Variants in KHDRBS2 observed in about 807,000 individuals in gnomAD.
KHDRBS2 encodes KH RNA binding domain containing, signal transduction associated 2, also known as KH domain-containing, RNA-binding, signal transduction-associated protein 2.
Under a neutral mutation model 44.3 loss-of-function variants are expected in KHDRBS2, and 26 were observed. The ratio of observed to expected loss-of-function variants is 0.59; its 90% CI spans 0.43 to 0.81. KHDRBS2 has a LOEUF of 0.81. KHDRBS2 is among the 40% of genes least tolerant of loss of function. KHDRBS2 has a pLI of 0.00. For synonymous variants in KHDRBS2, 194 were observed against 151.1 expected (o/e 1.28, Z -2.08); for missense variants, 476 against 433.1 (o/e 1.10, Z -0.88).
the KHDRBS2 span, among the ~76,000 whole-genome samples, chr6:61,665,688 G>C: frequency 4.7e-5 from 7 of 150,474 alleles, 1 homozygote; most frequent in South Asian, 1.0e-3. Flanking sequence ...AATATCTTTT[G>C]AAGGAAAAAA....
intron 3 of KHDRBS2, among the ~76,000 whole-genome samples, chr6:62,030,695 CT>C (rs1784191278): frequency 2.0e-5 from 3 of 151,970 alleles, no homozygotes; most frequent in African/African-American, 7.2e-5. Context: ...TACTTTCTAA[CT>C]TTCTAAAAAA....
Position 62,177,215 on chromosome 6 carries a change from T to C in KHDRBS2, c.189A>G (p.Arg63=), listed in dbSNP as rs368707831. 1.4e-5 allele frequency: 22 copies of C among 1,590,494 alleles called. No individual in the cohort carries two copies. The highest frequency in any genetic ancestry group is 1.3e-4 in the Admixed American group (8 of 59,482). The part of the protein sequence containing the change: ...ISNKNIKLSE[R]VLIPVKQYPK... The stretch of plus-strand genomic sequence containing the variant: ...GATACTGCTTGACAGGAATCAGTAC[T>C]CTTTCTGAGAGCTTTATGTTTTTGT... Residue 63 remains arginine, a synonymous_variant, in exon 2 of 9, where the codon AGA becomes AGG. Coordinates refer to ENST00000281156, the MANE Select transcript of KHDRBS2 (RefSeq NM_152688.4).
chr6:61,939,248 G>A (rs885173), intron 4 of KHDRBS2, among the ~76,000 whole-genome samples: 60,091 of 151,856 alleles, frequency 0.4, 12,028 homozygotes, highest in East Asian at 0.47. Flanking sequence ...GCTTAACATA[G>A]TTATGTATAG....
intron 3 of KHDRBS2, among the ~76,000 whole-genome samples, chr6:62,034,703 A>AAC (rs1359932664): frequency 2.6e-5 from 4 of 151,102 alleles, no homozygotes; most frequent in Non-Finnish European, 3.0e-5. Flanking sequence ...GAAAAAAAAA[A>AAC]AAAAAAAAAA....
At chr6:61,784,805 T>G (rs1293835100) in intron 6 of KHDRBS2, among the ~76,000 whole-genome samples, 2 of 152,150 alleles carry the variant, frequency 1.3e-5, no homozygotes, top group Non-Finnish European at 2.9e-5. Context: ...TTTTTAATTG[T>G]TACCAATATT....
the KHDRBS2 span, among the ~76,000 whole-genome samples, chr6:61,671,507 T>C: frequency 6.6e-6 from 1 of 151,674 alleles, no homozygotes; most frequent in Non-Finnish European, 1.5e-5. Context: ...ACATATCAAG[T>C]AGAGTGACTT....
At chr6:62,282,576 T>C (rs1456860540) in intron 1 of KHDRBS2, among the ~76,000 whole-genome samples, 2 of 152,138 alleles carry the variant, frequency 1.3e-5, no homozygotes, top group Non-Finnish European at 2.9e-5. Context: ...TATTTCCAGA[T>C]AATATTTTCA....
the KHDRBS2 span, among the ~76,000 whole-genome samples, chr6:61,660,851 C>A: frequency 1.3e-5 from 2 of 151,926 alleles, no homozygotes; most frequent in South Asian, 4.1e-4. Context: ...GATAAAGAGC[C>A]ATCATGTATG....
chr6:61,563,302 T>A, the KHDRBS2 span, among the ~76,000 whole-genome samples: 2 of 152,114 alleles, frequency 1.3e-5, no homozygotes, highest in African/African-American at 4.8e-5. Flanking sequence ...ATGAGGTCCT[T>A]GGGAAGTTCT....
intron 4 of KHDRBS2, among the ~76,000 whole-genome samples, chr6:61,976,366 A>G (rs1313936236): frequency 2.0e-5 from 3 of 152,154 alleles, no homozygotes; most frequent in Non-Finnish European, 4.4e-5. Context: ...TGAAATACTT[A>G]CAAGAATCAT....
At chr6:61,849,934 G>A (rs552481015) in intron 6 of KHDRBS2, among the ~76,000 whole-genome samples, 23 of 152,084 alleles carry the variant, frequency 1.5e-4, no homozygotes, top group Admixed American at 5.2e-4. Flanking sequence ...TAATTTACTA[G>A]CATCTCAATT....
chr6:61,574,814 C>A, the KHDRBS2 span, among the ~76,000 whole-genome samples: 3 of 151,984 alleles, frequency 2.0e-5, no homozygotes, highest in Non-Finnish European at 2.9e-5. Context: ...GAGGCTGAGG[C>A]GAGATAATTG....
At chr6:61,783,953 G>A (rs1783415479) in intron 6 of KHDRBS2, among the ~76,000 whole-genome samples, 1 of 151,858 alleles carries the variant, frequency 6.6e-6, no homozygotes, top group Non-Finnish European at 1.5e-5. Flanking sequence ...AATCACTGAA[G>A]CAATTGGATT....
the KHDRBS2 span, among the ~76,000 whole-genome samples, chr6:61,595,868 C>T: frequency 2.6e-5 from 4 of 151,578 alleles, no homozygotes; most frequent in Non-Finnish European, 5.9e-5. Flanking sequence ...TTTAACATAA[C>T]ATGACTTTAA....
chr6:61,596,954 T>G, the KHDRBS2 span, among the ~76,000 whole-genome samples: 26,060 of 152,054 alleles, frequency 0.17, 2,465 homozygotes, highest in East Asian at 0.29. Context: ...CCAGCCACAT[T>G]TGTACTTCCA....
At chr6:62,255,634 AC>A (rs1837264857) in intron 1 of KHDRBS2, among the ~76,000 whole-genome samples, 3 of 151,170 alleles carry the variant, frequency 2.0e-5, no homozygotes, top group Non-Finnish European at 4.4e-5. Flanking sequence ...ACACACACAC[AC>A]ACACACACAC....
At position 62,170,286 on chromosome 6, in the gene KHDRBS2, C is replaced by T. The variant is rs567686646; in HGVS notation, c.219+6899G>A. The stretch of plus-strand genomic sequence containing the variant: ...GCTGGTGGAGGATCAGGGCATGTCT[C>T]CCTCCACAAGGCCAACTACAGCCTG... On this transcript the variant is annotated intron_variant, in intron 2 of 8. Coordinates refer to ENST00000281156, the MANE Select transcript of KHDRBS2 (RefSeq NM_152688.4). 9.9e-5 allele frequency among the ~76,000 whole-genome samples: 15 copies of T among 152,106 alleles called. No homozygotes were observed. The South Asian group carries it at 2.9e-3, about 29-fold the overall frequency.
At chr6:62,264,568 C>G (rs956291824) in intron 1 of KHDRBS2, among the ~76,000 whole-genome samples, 4 of 151,554 alleles carry the variant, frequency 2.6e-5, no homozygotes, top group Non-Finnish European at 5.9e-5. Flanking sequence ...CTTTCTTATC[C>G]CAACAGGCCT....
At chr6:61,554,740 A>G in the KHDRBS2 span, among the ~76,000 whole-genome samples, 1 of 152,162 alleles carries the variant, frequency 6.6e-6, no homozygotes, top group African/African-American at 2.4e-5. Context: ...TTGCCTGAAA[A>G]ACATTTTATT....
Sources: gnomAD v4.1 joint callset for allele counts (sites outside exome capture counted in the v4.1 genomes callset) on GRCh38, gnomAD v4.1.1 for gene constraint, MANE v1.5 for transcripts, NCBI Gene and HGNC (gene_info 2026-07-23, HGNC 2026-07-21) for gene names.